Variants in TRMT44 observed in about 807,000 individuals in gnomAD.
TRMT44 encodes the protein probable tRNA (uracil-O(2)-)-methyltransferase.
Under a neutral mutation model 77.3 loss-of-function variants are expected in TRMT44, and 78 were observed. The observed-to-expected ratio is 1.01, with a 90% confidence interval of 0.84 to 1.22. The LOEUF (loss-of-function observed/expected upper bound fraction) is 1.22. Ranked by LOEUF, TRMT44 falls within the 50% of genes most tolerant of loss-of-function variation. TRMT44 has a pLI of 0.00. For missense variants in TRMT44, 1,090 were observed against 964.4 expected, an observed-to-expected ratio of 1.13 and a Z score of -1.73; for synonymous variants, 391 against 383.3, an observed-to-expected ratio of 1.02 and a Z score of -0.23.
Position 8,465,460 on chromosome 4 carries a change from A to G in TRMT44, c.1393A>G (p.Lys465Glu). 6.2e-7 allele frequency: 1 copy of G among 1,614,150 alleles called. No homozygotes were observed. Among genetic ancestry groups the G allele is most frequent in the Non-Finnish European group, 8.5e-7 (1 of 1,180,022 alleles). ...AAGATACTCCCGGAGGCAGAGTAAGAAGACTCAGTACCGGGAATACCTTGA... is the reference window on the plus strand; with the variant it reads ...AAGATACTCCCGGAGGCAGAGTAAGGAGACTCAGTACCGGGAATACCTTGA... ...IGRYSRRQSKKTQYREYLDFI... is the reference protein window; with the variant it reads ...IGRYSRRQSKETQYREYLDFI... Residue 465 changes from lysine (K) to glutamate (E), a missense_variant, in exon 8 of 11, where the codon AAG (lysine) becomes GAG (glutamate). By Grantham distance (56) the Lys-to-Glu change is moderately conservative. Transcript: ENST00000389737.
At chr4:8,495,202 A>G (rs1157123280), downstream of TRMT44, among the ~76,000 whole-genome samples, 1 of 152,236 alleles carries the variant, frequency 6.6e-6, no homozygotes, top group Non-Finnish European at 1.5e-5. Context: ...TGTTCCTCAC[A>G]GTCCTGCTGC....
chr4:8,461,143 G>A lies in TRMT44; in HGVS notation c.1204-2842G>A, dbSNP rs987621994. 3.3e-5 allele frequency among the ~76,000 whole-genome samples: 5 copies of A among 152,122 alleles called. No individual in the cohort carries two copies. Among genetic ancestry groups the A allele is most frequent in the South Asian group, 2.1e-4 (1 of 4,828 alleles). On this transcript the variant is annotated intron_variant, in intron 6 of 10. Coordinates refer to ENST00000389737, the MANE Select transcript of TRMT44 (RefSeq NM_152544.3). This position sits in a 1 kb window ranked among gnomAD's most constrained non-coding sequence, Gnocchi z 4.6. ...TGGGATGACAATGAGCCGCTGCGCC[G>A]GGCCAGGGTGCTTACTCTTTGCTTG...
At chr4:8,505,361 G>A in the TRMT44 span, among the ~76,000 whole-genome samples, 1 of 152,164 alleles carries the variant, frequency 6.6e-6, no homozygotes, top group Non-Finnish European at 1.5e-5. Context: ...GCTCAAGGGT[G>A]CAGGAGGAGC....
chr4:8,474,219 G>A (rs1727214971), intron 10 of TRMT44, among the ~76,000 whole-genome samples: 1 of 152,236 alleles, frequency 6.6e-6, no homozygotes, highest in African/African-American at 2.4e-5. Context: ...GGAGTTGGGG[G>A]GAAGCTCTGG....
intron 2 of TRMT44, among the ~76,000 whole-genome samples, chr4:8,488,126 T>C (rs1163129172): frequency 6.6e-6 from 1 of 152,120 alleles, no homozygotes; most frequent in African/African-American, 2.4e-5. Context: ...GATTTGAAAT[T>C]GGTGAGATGT....
At chr4:8,514,948 G>A in the TRMT44 span, among the ~76,000 whole-genome samples, 1 of 152,104 alleles carries the variant, frequency 6.6e-6, no homozygotes, top group East Asian at 1.9e-4. Flanking sequence ...ACTTGGCGGG[G>A]CACCATTCAA....
intron 2 of TRMT44, among the ~76,000 whole-genome samples, chr4:8,484,620 A>G (rs1020192873): frequency 6.6e-6 from 1 of 152,162 alleles, no homozygotes; most frequent in African/African-American, 2.4e-5. Flanking sequence ...GCTGTGTGTA[A>G]TGAAAAGGGT....
the TRMT44 span, among the ~76,000 whole-genome samples, chr4:8,499,233 G>A: frequency 6.6e-6 from 1 of 152,138 alleles, no homozygotes; most frequent in Non-Finnish European, 1.5e-5. Flanking sequence ...ATCCGGCACA[G>A]GAGACTTGCC....
intron 10 of TRMT44, among the ~76,000 whole-genome samples, chr4:8,475,548 G>A (rs918822558): frequency 4.6e-5 from 7 of 152,116 alleles, no homozygotes; most frequent in Non-Finnish European, 1.0e-4. Context: ...CTCACTTCCC[G>A]CAGGGCTCAC....
At chr4:8,492,919 C>T (rs1443934027) in intron 2 of TRMT44, among the ~76,000 whole-genome samples, 1 of 152,122 alleles carries the variant, frequency 6.6e-6, no homozygotes, top group Non-Finnish European at 1.5e-5. Context: ...TGTATAAAAC[C>T]AAGCTGTGCC....
chr4:8,466,675 C>G (rs1426233746), intron 8 of TRMT44, among the ~76,000 whole-genome samples: 2 of 152,206 alleles, frequency 1.3e-5, no homozygotes, highest in Non-Finnish European at 2.9e-5. Context: ...GTCCTCTAGG[C>G]GGGTCCGAGG....
downstream of TRMT44, among the ~76,000 whole-genome samples, chr4:8,498,137 G>T (rs1049741652): frequency 6.6e-6 from 1 of 151,992 alleles, no homozygotes; most frequent in Non-Finnish European, 1.5e-5. This position sits in a 1 kb window ranked among gnomAD's most constrained non-coding sequence, Gnocchi z 4.3. Context: ...CCCTTCTCCG[G>T]GGTTTTCTCC....
At chr4:8,457,961 C>T (rs1028421311) in intron 6 of TRMT44, among the ~76,000 whole-genome samples, 1 of 152,170 alleles carries the variant, frequency 6.6e-6, no homozygotes, top group Non-Finnish European at 1.5e-5. Context: ...CTAATAGACT[C>T]CACTCCAGAG....
At chr4:8,504,980 C>G in the TRMT44 span, among the ~76,000 whole-genome samples, 2 of 152,188 alleles carry the variant, frequency 1.3e-5, no homozygotes, top group Admixed American at 6.5e-5. This position sits in a 1 kb window ranked among gnomAD's most constrained non-coding sequence, Gnocchi z 5.3. Context: ...TTCTGCTCTA[C>G]CCACCCTCCC....
intron 10 of TRMT44, among the ~76,000 whole-genome samples, chr4:8,472,616 G>T (rs1727088237): frequency 1.3e-5 from 2 of 152,226 alleles, no homozygotes; most frequent in African/African-American, 4.8e-5. Flanking sequence ...CCTGCTCCTG[G>T]AGAGCTGAAC....
At chr4:8,448,830 T>C (rs1474614462) in intron 2 of TRMT44, among the ~76,000 whole-genome samples, 1 of 152,234 alleles carries the variant, frequency 6.6e-6, no homozygotes, top group Non-Finnish European at 1.5e-5. Context: ...GGGGCCATGC[T>C]GCTGCCGCGC....
Position 8,476,227 on chromosome 4 carries a change from A to G in TRMT44, c.*226A>G. The G allele has an allele frequency of 1.7e-6, 1 of 587,320 alleles. No homozygotes were observed. Among genetic ancestry groups the G allele is most frequent in the Admixed American group, 3.1e-5 (1 of 32,692 alleles). 36.4% of individuals were successfully genotyped at this position (587,320 alleles called of 1,614,324 possible). ...TGACTGCCTGGCTTGTTTCAGATGC[A>G]GCCGCTTGAAACGTGCGCAGCATCT... On this transcript the variant is annotated 3_prime_UTR_variant, in exon 11 of 11. Coordinates refer to ENST00000389737, the MANE Select transcript of TRMT44 (RefSeq NM_152544.3).
rs778957821 is a variant in TRMT44, at chr4:8,440,853, T to C, written c.31T>C (p.Tyr11His). 2.6e-6 allele frequency: 4 copies of C among 1,513,146 alleles called. No homozygotes were observed. Among genetic ancestry groups the C allele is most frequent in the East Asian group, 2.5e-5 (1 of 39,416 alleles). The allele number at this position is 1,513,146 out of a possible 1,614,324, so 93.7% of individuals were successfully genotyped here. MAEVGRTGIS[Y>H]PGALLPQGFW... is the part of the protein sequence containing the mutation. ...TGAGGTGGGCCGTACCGGGATCAGCTACCCAGGCGCGCTTCTCCCACAGGG... is the reference window on the plus strand; with the variant it reads ...TGAGGTGGGCCGTACCGGGATCAGCCACCCAGGCGCGCTTCTCCCACAGGG... The change falls in exon 1 of 11, where the codon TAC becomes CAC. Residue 11 changes from tyrosine to histidine, a missense_variant. By Grantham distance (83) the Tyr-to-His change is moderately conservative (BLOSUM62 2). Transcript: ENST00000389737.
chr4:8,468,668 A>T (rs1726773893), intron 9 of TRMT44: 1 of 534,822 alleles, frequency 1.9e-6, no homozygotes, highest in African/African-American at 1.9e-5. Context: ...CAGGTTACTG[A>T]GTGCAAGCAA....
Sources: gnomAD v4.1 joint callset for allele counts (sites outside exome capture counted in the v4.1 genomes callset) on GRCh38, gnomAD v4.1.1 for gene constraint, Gnocchi (gnomAD v3.1) non-coding constraint, MANE v1.5 for transcripts, NCBI Gene and HGNC (gene_info 2026-07-23, HGNC 2026-07-21) for gene names.